UQCC5: variants seen among roughly 807,000 people sequenced by gnomAD.
UQCC5 encodes ubiquinol-cytochrome c reductase complex assembly factor 5.
At chr3:52,539,151 A>T in the UQCC5 span, among the ~76,000 whole-genome samples, 1 of 152,158 alleles carries the variant, frequency 6.6e-6, no homozygotes, top group Non-Finnish European at 1.5e-5. Context: ...ACCCAGTTAG[A>T]GGCATCAGTT....
At chr3:52,539,689 A>T in the UQCC5 span, among the ~76,000 whole-genome samples, 5 of 146,450 alleles carry the variant, frequency 3.4e-5, no homozygotes, top group Non-Finnish European at 7.4e-5. Context: ...CCCAGGCTGG[A>T]GTGTGGTGGC....
At chr3:52,538,301 C>CCGAA in the UQCC5 span, among the ~76,000 whole-genome samples, 1 of 152,080 alleles carries the variant, frequency 6.6e-6, no homozygotes, top group Non-Finnish European at 1.5e-5. Context: ...CCTGAAGGTG[C>CCGAA]CGAACACAGG....
chr3:52,538,953 G>C, the UQCC5 span, among the ~76,000 whole-genome samples: 4 of 152,276 alleles, frequency 2.6e-5, no homozygotes, highest in African/African-American at 4.8e-5. Flanking sequence ...AGAGAGGCTG[G>C]AGATACTGGA....
At chr3:52,536,866 G>A in the UQCC5 span, 1 of 1,551,740 alleles carries the variant, frequency 6.4e-7, no homozygotes. Flanking sequence ...GAACGATGGA[G>A]TGGATCATGA....
the UQCC5 span, chr3:52,536,967 G>A: frequency 1.3e-6 from 2 of 1,540,522 alleles, no homozygotes; most frequent in South Asian, 1.2e-5. Context: ...GTAGGGATCC[G>A]TTTTTCTGGG....
chr3:52,536,779 A>T, the UQCC5 span: 1 of 1,551,784 alleles, frequency 6.4e-7, no homozygotes, highest in Non-Finnish European at 8.7e-7. Context: ...CCCAGGTGAG[A>T]CGGATTCTGC....
chr3:52,536,647 A>G, the UQCC5 span: 1 of 1,493,594 alleles, frequency 6.7e-7, no homozygotes, highest in Non-Finnish European at 9.0e-7. Flanking sequence ...GGCGCTCGCT[A>G]GTCTCCCAGG....
chr3:52,537,820 A>G, the UQCC5 span, among the ~76,000 whole-genome samples: 1 of 152,186 alleles, frequency 6.6e-6, no homozygotes, highest in Non-Finnish European at 1.5e-5. Flanking sequence ...GCAGCTACCA[A>G]GTAAAGTAGG....
chr3:52,536,852 G>A, the UQCC5 span: 4 of 1,551,736 alleles, frequency 2.6e-6, no homozygotes, highest in Non-Finnish European at 3.5e-6. Flanking sequence ...TTTTGTCCTG[G>A]GAGGAACGAT....
the UQCC5 span, chr3:52,536,839 C>T: frequency 1.9e-6 from 3 of 1,551,758 alleles, no homozygotes; most frequent in African/African-American, 1.4e-5. Flanking sequence ...TCCTGCCCTT[C>T]TTTTTTGTCC....
chr3:52,537,017 C>G, the UQCC5 span: 6 of 1,418,874 alleles, frequency 4.2e-6, no homozygotes, highest in African/African-American at 1.4e-5. Flanking sequence ...CCACTCAGAG[C>G]GCTGGGCGAG....
the UQCC5 span, among the ~76,000 whole-genome samples, chr3:52,538,755 C>T: frequency 6.6e-6 from 1 of 152,194 alleles, no homozygotes; most frequent in African/African-American, 2.4e-5. Context: ...GCCACTGCGC[C>T]TGGCCCAAAT....
At chr3:52,540,569 T>G in the UQCC5 span, 28 of 971,596 alleles carry the variant, frequency 2.9e-5, no homozygotes, top group Non-Finnish European at 3.9e-5. Flanking sequence ...TTCAGATCTC[T>G]TGTTCTGACA....
chr3:52,536,631 G>C, the UQCC5 span: 2 of 1,479,128 alleles, frequency 1.4e-6, no homozygotes, highest in South Asian at 2.7e-5. Context: ...GACAGTGGCG[G>C]AGGACGGCGC....
At chr3:52,539,967 G>A in the UQCC5 span, among the ~76,000 whole-genome samples, 1 of 152,156 alleles carries the variant, frequency 6.6e-6, no homozygotes, top group East Asian at 1.9e-4. Flanking sequence ...TGAAGGTGGC[G>A]AGTCAAAGGT....
At chr3:52,537,367 C>G in the UQCC5 span, among the ~76,000 whole-genome samples, 2 of 152,202 alleles carry the variant, frequency 1.3e-5, no homozygotes, top group Non-Finnish European at 2.9e-5. Flanking sequence ...GGCACCAGGT[C>G]TTTGGTCTGG....
the UQCC5 span, among the ~76,000 whole-genome samples, chr3:52,537,819 A>G: frequency 6.6e-6 from 1 of 152,192 alleles, no homozygotes; most frequent in Non-Finnish European, 1.5e-5. Flanking sequence ...AGCAGCTACC[A>G]AGTAAAGTAG....
At chr3:52,540,447 T>C in the UQCC5 span, 87 of 1,531,306 alleles carry the variant, frequency 5.7e-5, no homozygotes, top group Non-Finnish European at 7.5e-5. Flanking sequence ...TAGAAAAGCC[T>C]CAGAAAGACA....
the UQCC5 span, chr3:52,540,325 G>T: frequency 1.2e-6 from 1 of 841,882 alleles, no homozygotes; most frequent in Admixed American, 3.4e-5. Context: ...CCAAGATTCA[G>T]AAGTAGGTGA....
Sources: gnomAD v4.1 joint callset for allele counts (sites outside exome capture counted in the v4.1 genomes callset) on GRCh38, gnomAD v4.1.1 for gene constraint, MANE v1.5 for transcripts, NCBI Gene and HGNC (gene_info 2026-07-23, HGNC 2026-07-21) for gene names.